The following GRM4 variants were observed in gnomAD, a reference collection of about 807,000 sequenced individuals.
GRM4 encodes the protein metabotropic glutamate receptor 4.
Under a neutral mutation model 81.7 loss-of-function variants are expected in GRM4, and 28 were observed. The ratio of observed to expected loss-of-function variants is 0.34; its 90% CI spans 0.25 to 0.47. The LOEUF is 0.47. GRM4 is among the 20% of genes least tolerant of loss of function. The pLI is 1.00. For synonymous variants in GRM4, 488 were observed against 528.8 expected, an observed-to-expected ratio of 0.92 and a Z score of 1.06; for missense variants, 948 against 1,290.0, an observed-to-expected ratio of 0.73 and a Z score of 4.06.
At chr6:34,140,118 A>G (rs1320018576) in intron 1 of GRM4, among the ~76,000 whole-genome samples, 1 of 152,238 alleles carries the variant, frequency 6.6e-6, no homozygotes, top group Non-Finnish European at 1.5e-5. Flanking sequence ...TTTTCAGAAA[A>G]GAATAATCAG....
At chr6:34,079,562 G>A (rs1053694316) in intron 3 of GRM4, among the ~76,000 whole-genome samples, 3 of 152,118 alleles carry the variant, frequency 2.0e-5, no homozygotes, top group Non-Finnish European at 4.4e-5. Flanking sequence ...CCAAGGGGAA[G>A]AGACTGCACT....
At chr6:34,049,820 C>T (rs905613855) in intron 6 of GRM4, among the ~76,000 whole-genome samples, 1 of 152,130 alleles carries the variant, frequency 6.6e-6, no homozygotes, top group African/African-American at 2.4e-5. Context: ...CTTCGCACCA[C>T]CTCCATGACC....
chr6:34,151,425 C>CG (rs1225367566), intron 1 of GRM4, among the ~76,000 whole-genome samples: 1 of 152,172 alleles, frequency 6.6e-6, no homozygotes, highest in African/African-American at 2.4e-5. Context: ...TCCACATGTC[C>CG]GGGGGCTGTC....
chr6:34,104,313 T>C (rs1436588138), intron 2 of GRM4, among the ~76,000 whole-genome samples: 2 of 152,186 alleles, frequency 1.3e-5, no homozygotes, highest in Admixed American at 1.3e-4. Context: ...CCAGGCATCC[T>C]TGCCAGTGGG....
chr6:34,024,804 G>A (rs1295943638), intron 10 of GRM4: 3 of 453,292 alleles, frequency 6.6e-6, no homozygotes, highest in Non-Finnish European at 1.3e-5. Context: ...ACCTGGACAG[G>A]TGCCAATGGA....
chr6:34,122,273 T>G (rs1267789182), intron 2 of GRM4, among the ~76,000 whole-genome samples: 1 of 151,196 alleles, frequency 6.6e-6, no homozygotes, highest in African/African-American at 2.4e-5. Flanking sequence ...AGAGATGGGG[T>G]GGAGGACATG....
At chr6:34,131,184 C>T (rs1770218875) in intron 2 of GRM4, among the ~76,000 whole-genome samples, 1 of 152,258 alleles carries the variant, frequency 6.6e-6, no homozygotes, top group South Asian at 2.1e-4. Context: ...CCAAACCATC[C>T]TGCCAAAGAA....
intron 2 of GRM4, among the ~76,000 whole-genome samples, chr6:34,105,306 G>A (rs2127496355): frequency 6.6e-6 from 1 of 152,206 alleles, no homozygotes; most frequent in African/African-American, 2.4e-5. Context: ...CCTGACCCCT[G>A]GGAGGGGAGT....
In GRM4 at chr6:34,153,201, C is replaced by T. The variant is rs147388915; in HGVS notation, c.312+1878G>A. On this transcript the variant is annotated intron_variant, in intron 1 of 8. Coordinates refer to the GRM4 transcript ENST00000374177. ...CACCCAGCTCATCCCTATATCCCCA[C>T]CCCTGAGCCTCTCCTCAGCCCTCCC... 7.2e-4 allele frequency among the ~76,000 whole-genome samples: 110 copies of T among 152,318 alleles called. 1 individual carries two copies. The East Asian group carries it at 0.02, about 27-fold the overall frequency.
intron 8 of GRM4, 126 bp downstream of exon 8, chr6:34,040,052 G>A (rs1764920084): frequency 2.2e-6 from 2 of 904,786 alleles, no homozygotes; most frequent in South Asian, 3.1e-5. Flanking sequence ...TGGGAAGGAA[G>A]CCCCAGCCTG....
rs1763959445 is a variant in GRM4 at position 34,022,939 on chromosome 6, G to C, written c.2690-69C>G. 8.2e-7 allele frequency: 1 copy of C among 1,217,192 alleles called. No homozygotes were observed. The highest frequency in any genetic ancestry group is 1.2e-6 in the Non-Finnish European group (1 of 818,500). The allele number at this position is 1,217,192 out of a possible 1,614,324, so 75.4% of individuals were successfully genotyped here. On this transcript the variant is annotated intron_variant, in intron 10 of 10. Transcript: ENST00000538487. This position sits in a 1 kb window ranked among gnomAD's most constrained non-coding sequence, Gnocchi z 5.6. Reference sequence around the variant, plus strand: ...TTTTCTCAAACTGTCCTTCCACATGGGCACAGCCCTGCACAAGAACCTACC... The same window carrying C: ...TTTTCTCAAACTGTCCTTCCACATGCGCACAGCCCTGCACAAGAACCTACC...
intron 2 of GRM4, among the ~76,000 whole-genome samples, chr6:34,110,397 C>T (rs1349131795): frequency 1.3e-5 from 2 of 151,912 alleles, no homozygotes; most frequent in Non-Finnish European, 2.9e-5. Flanking sequence ...GCTCCCCTGC[C>T]TCACTTACCT....
At chr6:34,024,245 C>T (rs1452521413) in intron 10 of GRM4, 1 of 167,810 alleles carries the variant, frequency 6.0e-6, no homozygotes, top group African/African-American at 2.4e-5. Flanking sequence ...TCATGAAATA[C>T]ACATGGAAGG....
intron 2 of GRM4, among the ~76,000 whole-genome samples, chr6:34,112,807 T>C (rs1769440578): frequency 6.6e-6 from 1 of 152,202 alleles, no homozygotes; most frequent in Non-Finnish European, 1.5e-5. Flanking sequence ...GTGGCACAGA[T>C]GCCCTCACTG....
At chr6:34,079,204 CGCCTCACGTCACCTGCT>C (rs1000067510) in intron 3 of GRM4, among the ~76,000 whole-genome samples, 3 of 152,344 alleles carry the variant, frequency 2.0e-5, no homozygotes, top group Admixed American at 2.0e-4. Context: ...CCAGCCCACC[CGCCTCACGTCACCTGCT>C]GCTCTTTCAG....
At chr6:34,113,404 G>A (rs752887438) in intron 2 of GRM4, among the ~76,000 whole-genome samples, 34 of 152,164 alleles carry the variant, frequency 2.2e-4, no homozygotes, top group Admixed American at 9.2e-4. Flanking sequence ...CTCCCACCTC[G>A]GGATTACAGG....
intron 5 of GRM4, among the ~76,000 whole-genome samples, chr6:34,057,518 T>C (rs756768875): frequency 3.3e-5 from 5 of 152,160 alleles, no homozygotes; most frequent in Non-Finnish European, 7.4e-5. Flanking sequence ...ATAATTCCTG[T>C]GGGGGGCCAT....
chr6:34,132,853 C>T (rs1770297714), intron 2 of GRM4, 125 bp downstream of exon 2: 3 of 722,234 alleles, frequency 4.2e-6, no homozygotes, highest in Non-Finnish European at 6.8e-6. Context: ...GAGGAAAAAA[C>T]TGTCCCTTAG....
intron 2 of GRM4, chr6:34,102,193 T>C: frequency 6.6e-7 from 1 of 1,523,642 alleles, no homozygotes; most frequent in Non-Finnish European, 8.8e-7. Flanking sequence ...TCTCCCCACT[T>C]CCTGCAAAAT....
Sources: gnomAD v4.1 joint callset for allele counts (sites outside exome capture counted in the v4.1 genomes callset) on GRCh38, gnomAD v4.1.1 for gene constraint, Gnocchi (gnomAD v3.1) non-coding constraint, MANE v1.5 for transcripts, NCBI Gene and HGNC (gene_info 2026-07-23, HGNC 2026-07-21) for gene names.